Variants in CDH13 observed in about 807,000 individuals in gnomAD.
CDH13 encodes the protein cadherin-13.
CDH13 carries 24 observed loss-of-function variants against 63.8 expected under a neutral mutation model. The ratio of observed to expected loss-of-function variants is 0.38; its 90% confidence interval spans 0.27 to 0.53. The LOEUF is 0.53. Ranked by LOEUF, CDH13 falls within the 20% of genes least tolerant of loss-of-function variation. The probability of loss-of-function intolerance (pLI) is 0.85; values close to 1 mark genes in which losing one functional copy is unlikely to be tolerated. For synonymous variants in CDH13, 503 were observed against 355.3 expected (o/e 1.42, Z -4.67); for missense variants, 1,049 against 903.1 (o/e 1.16, Z -2.07).
intron 2 of CDH13, among the ~76,000 whole-genome samples, chr16:82,948,850 C>T (rs1019199696): frequency 5.3e-5 from 8 of 152,108 alleles, no homozygotes; most frequent in Non-Finnish European, 5.9e-5. Flanking sequence ...ATTATTTTGA[C>T]ATCAATTTAC....
At chr16:83,511,512 C>T (rs1330484812) in intron 7 of CDH13, among the ~76,000 whole-genome samples, 3 of 152,016 alleles carry the variant, frequency 2.0e-5, no homozygotes, top group Non-Finnish European at 4.4e-5. Context: ...CTCACACACT[C>T]GCACATACAC....
At chr16:82,672,056 C>G (rs900722843) in intron 1 of CDH13, among the ~76,000 whole-genome samples, 25 of 152,176 alleles carry the variant, frequency 1.6e-4, no homozygotes, top group Non-Finnish European at 8.8e-5. Flanking sequence ...TCTACACTCT[C>G]TCTCTTGCTT....
At chr16:82,885,304 A>C (rs1191515394) in intron 2 of CDH13, among the ~76,000 whole-genome samples, 2 of 152,360 alleles carry the variant, frequency 1.3e-5, no homozygotes, top group Non-Finnish European at 2.9e-5. Context: ...AAAAGAAGAA[A>C]AAAAATCATA....
At chr16:83,475,917 C>T (rs1012549271) in intron 6 of CDH13, among the ~76,000 whole-genome samples, 1 of 152,106 alleles carries the variant, frequency 6.6e-6, no homozygotes, top group African/African-American at 2.4e-5. Flanking sequence ...CAAATTGCTG[C>T]GCCTTTGCCC....
At chr16:82,632,149 A>G (rs1275660640) in intron 1 of CDH13, among the ~76,000 whole-genome samples, 1 of 152,172 alleles carries the variant, frequency 6.6e-6, no homozygotes, top group South Asian at 2.1e-4. Context: ...TTTAGGCAGG[A>G]CGTGCCTCCG....
At chr16:83,616,983 T>A (rs1909337020) in intron 8 of CDH13, among the ~76,000 whole-genome samples, 1 of 152,196 alleles carries the variant, frequency 6.6e-6, no homozygotes, top group Non-Finnish European at 1.5e-5. Context: ...AAAATTCCAA[T>A]TTATCCTTCA....
At chr16:83,736,473 C>T (rs1160418864) in intron 10 of CDH13, among the ~76,000 whole-genome samples, 1 of 152,140 alleles carries the variant, frequency 6.6e-6, no homozygotes, top group East Asian at 1.9e-4. Flanking sequence ...CTGTATTTCT[C>T]TGTATTGCTT....
At chr16:83,084,519 A>G (rs151311241) in intron 3 of CDH13, among the ~76,000 whole-genome samples, 3 of 152,300 alleles carry the variant, frequency 2.0e-5, no homozygotes, top group Non-Finnish European at 4.4e-5. Flanking sequence ...GAAAAAATGT[A>G]CTTATTTTCT....
intron 1 of CDH13, among the ~76,000 whole-genome samples, chr16:82,694,609 C>T (rs890606397): frequency 2.0e-5 from 3 of 152,164 alleles, no homozygotes; most frequent in African/African-American, 4.8e-5. Context: ...TGTTAATACT[C>T]AGCTTTTTTG....
intron 1 of CDH13, among the ~76,000 whole-genome samples, chr16:82,628,477 T>C (rs762332032): frequency 1.4e-4 from 21 of 152,092 alleles, no homozygotes; most frequent in Non-Finnish European, 2.5e-4. Flanking sequence ...ATGTTGGGTT[T>C]AGACTTTGGA....
At chr16:82,663,815 C>G (rs193122344) in intron 1 of CDH13, among the ~76,000 whole-genome samples, 1 of 152,192 alleles carries the variant, frequency 6.6e-6, no homozygotes, top group Non-Finnish European at 1.5e-5. Context: ...TTGTGATCCT[C>G]TTCTAGGAGA....
At chr16:82,705,823 A>G (rs1396891593) in intron 1 of CDH13, among the ~76,000 whole-genome samples, 1 of 152,216 alleles carries the variant, frequency 6.6e-6, no homozygotes, top group African/African-American at 2.4e-5. Flanking sequence ...CCTGCAATGT[A>G]TCACGCATTC....
At chr16:83,133,455 T>C (rs1178468484) in intron 4 of CDH13, among the ~76,000 whole-genome samples, 2 of 152,144 alleles carry the variant, frequency 1.3e-5, no homozygotes, top group Non-Finnish European at 2.9e-5. Context: ...TTTTATCAGA[T>C]GGTGCTAATG....
intron 1 of CDH13, among the ~76,000 whole-genome samples, chr16:82,663,477 G>A (rs567156295): frequency 2.6e-5 from 4 of 152,136 alleles, no homozygotes; most frequent in Non-Finnish European, 5.9e-5. Flanking sequence ...GAGCCACCAT[G>A]CCCAGCCACC....
chr16:82,915,537 A>T (rs769781917), intron 2 of CDH13, among the ~76,000 whole-genome samples: 1 of 152,102 alleles, frequency 6.6e-6, no homozygotes, highest in Non-Finnish European at 1.5e-5. Flanking sequence ...CCAGGGGGGA[A>T]ATTACAGTCA....
At chr16:83,489,507 C>T (rs2073962385) in intron 7 of CDH13, among the ~76,000 whole-genome samples, 1 of 152,164 alleles carries the variant, frequency 6.6e-6, no homozygotes, top group African/African-American at 2.4e-5. Flanking sequence ...TGGCTAGTTC[C>T]TTGTGCTGTG....
At chr16:82,903,665 C>T (rs1218077456) in intron 2 of CDH13, among the ~76,000 whole-genome samples, 1 of 152,162 alleles carries the variant, frequency 6.6e-6, no homozygotes. Flanking sequence ...TGGAATCAGA[C>T]CCTAACGGGT....
At chr16:83,693,082 C>T (rs950987610) in intron 10 of CDH13, among the ~76,000 whole-genome samples, 8 of 151,992 alleles carry the variant, frequency 5.3e-5, no homozygotes, top group Non-Finnish European at 1.2e-4. Context: ...GACTCCATCT[C>T]GAAGAAAAAA....
At chr16:83,112,008 A>G (rs1367697081) in intron 3 of CDH13, among the ~76,000 whole-genome samples, 1 of 152,220 alleles carries the variant, frequency 6.6e-6, no homozygotes, top group East Asian at 1.9e-4. Context: ...TTATACCCAC[A>G]TAATTTTAGT....
Sources: allele counts gnomAD v4.1 joint callset (sites outside exome capture counted in the v4.1 genomes callset), GRCh38; gene constraint gnomAD v4.1.1; transcripts MANE v1.5; gene names NCBI Gene and HGNC (gene_info 2026-07-23, HGNC 2026-07-21).